KIAA0586: variants seen among roughly 807,000 people sequenced by gnomAD.
KIAA0586 encodes the protein protein TALPID3.
In KIAA0586, 144 loss-of-function variants were observed where a neutral mutation model predicts 169.8. That is an observed-to-expected ratio of 0.85 (90% CI 0.74 to 0.97). The LOEUF (loss-of-function observed/expected upper bound fraction) is 0.97. Ranked by LOEUF, KIAA0586 falls within the 50% of genes least tolerant of loss-of-function variation. The probability of loss-of-function intolerance (pLI) is 0.00; values close to 1 mark genes in which losing one functional copy is unlikely to be tolerated. For synonymous variants in KIAA0586, 625 were observed against 612.4 expected, an observed-to-expected ratio of 1.02 and a Z score of -0.30; for missense variants, 1,854 against 1,823.0, an observed-to-expected ratio of 1.02 and a Z score of -0.31.
chr14:58,487,633 A>G (rs1299399047), intron 22 of KIAA0586, among the ~76,000 whole-genome samples: 5 of 152,094 alleles, frequency 3.3e-5, no homozygotes, highest in Non-Finnish European at 4.4e-5. Context: ...ATACAATTGA[A>G]TAGATGCTTA....
intron 24 of KIAA0586, 135 bp downstream of exon 24, chr14:58,489,009 G>A: frequency 2.2e-6 from 2 of 894,420 alleles, no homozygotes; most frequent in Middle Eastern, 3.5e-4. Context: ...GGGACTCAAT[G>A]CAATTTAGTT....
chr14:58,505,298 A>T lies in KIAA0586; in HGVS notation c.4169-3257A>T, dbSNP rs180964431. ...CAACCGGTATTACTTAAATTTATTC[A>T]TTTTAATGATTACGTAAAACTTCAT... On this transcript the variant is annotated intron_variant, in intron 27 of 30. Coordinates refer to ENST00000652326, the MANE Select transcript of KIAA0586 (RefSeq NM_001329943.3). 1.4e-3 allele frequency among the ~76,000 whole-genome samples: 220 copies of T among 152,286 alleles called. 1 individual carries two copies. The highest frequency in any genetic ancestry group is 4.1e-3 in the African/African-American group (172 of 41,568).
intron 28 of KIAA0586, among the ~76,000 whole-genome samples, chr14:58,510,672 GA>G (rs1451002532): frequency 6.6e-6 from 1 of 152,122 alleles, no homozygotes; most frequent in Non-Finnish European, 1.5e-5. Flanking sequence ...ACATGTACGT[GA>G]ATGTTCATAC....
chr14:58,554,732 GGTCTCT>G (rs2047233608), downstream of KIAA0586, among the ~76,000 whole-genome samples: 1 of 152,062 alleles, frequency 6.6e-6, no homozygotes, highest in Non-Finnish European at 1.5e-5. Context: ...GGCCTCATGT[GGTCTCT>G]GTCACATAGT....
At chr14:58,536,728 C>T (rs868447400) in intron 29 of KIAA0586, among the ~76,000 whole-genome samples, 5 of 152,176 alleles carry the variant, frequency 3.3e-5, no homozygotes, top group Admixed American at 6.5e-5. Flanking sequence ...GCCAGTATCC[C>T]TGCTTTTCCA....
At position 58,442,862 on chromosome 14, in the gene KIAA0586, C is replaced by T. The variant is rs544257184; in HGVS notation, c.567C>T (p.Thr189=). ...VAAATAAAIA[T]AAPLIKVQSD... The stretch of plus-strand genomic sequence containing the variant: ...CAGCAACTGCTGCTGCCATTGCAAC[C>T]GCAGCTCCGTTGATAAAGGTATATT... Residue 189 remains threonine, a synonymous_variant, in exon 5 of 31, where the codon ACC becomes ACT. Coordinates refer to ENST00000652326, the MANE Select transcript of KIAA0586 (RefSeq NM_001329943.3). 1.5e-4 allele frequency: 236 copies of T among 1,607,130 alleles called. 10 individuals are homozygous for T. The South Asian group carries it at 2.2e-3, about 15-fold the overall frequency.
At chr14:58,496,416 A>G (rs1160031654) in intron 26 of KIAA0586, among the ~76,000 whole-genome samples, 1 of 152,230 alleles carries the variant, frequency 6.6e-6, no homozygotes, top group Non-Finnish European at 1.5e-5. Flanking sequence ...GTTACTGTAG[A>G]CTGTCAGAGT....
At chr14:58,542,359 C>G (rs569558758) in intron 30 of KIAA0586, among the ~76,000 whole-genome samples, 2 of 152,132 alleles carry the variant, frequency 1.3e-5, no homozygotes, top group South Asian at 4.2e-4. Flanking sequence ...CGCCAGTAAT[C>G]CAAGCTACTC....
At chr14:58,502,107 G>A (rs917882907) in intron 27 of KIAA0586, among the ~76,000 whole-genome samples, 1 of 152,058 alleles carries the variant, frequency 6.6e-6, no homozygotes, top group Non-Finnish European at 1.5e-5. Flanking sequence ...GAGAAAGTAA[G>A]CAATCAAGAT....
chr14:58,521,110 A>C, intron 29 of KIAA0586: 42 of 445,336 alleles, frequency 9.4e-5, no homozygotes, highest in Non-Finnish European at 1.2e-4. Context: ...TCCACATAGT[A>C]CCCGGGAATA....
chr14:58,541,017 GA>G (rs1187061203), intron 30 of KIAA0586, among the ~76,000 whole-genome samples: 1 of 152,150 alleles, frequency 6.6e-6, no homozygotes, highest in African/African-American at 2.4e-5. Flanking sequence ...GGGTGTACAG[GA>G]AAAATGCTTC....
intron 14 of KIAA0586, among the ~76,000 whole-genome samples, chr14:58,463,051 G>T (rs2040458388): frequency 6.6e-6 from 1 of 152,080 alleles, no homozygotes; most frequent in South Asian, 2.1e-4. Context: ...CAGAACCTAA[G>T]GACTTATGCT....
In KIAA0586 at chr14:58,428,402, A is replaced by G. The variant is rs2037038045; in HGVS notation, c.138A>G (p.Ala46=). The G allele has an allele frequency of 1.2e-6, 2 of 1,613,974 alleles. No individual in the cohort carries two copies. Among genetic ancestry groups the G allele is most frequent in the Admixed American group, 1.7e-5 (1 of 60,014 alleles). The change falls in exon 1 of 31, where the codon GCA becomes GCG. Residue 46 remains alanine, a synonymous_variant. Transcript: ENST00000652326. ...LKDELPCVPP[A]LSANKRLPVG... ...ATGAGTTGCCCTGTGTTCCTCCGGC[A>G]TTGTCTGCAAATAAACGTCTTCCTG...
intron 29 of KIAA0586, among the ~76,000 whole-genome samples, chr14:58,528,297 A>C (rs2045730880): frequency 6.6e-6 from 1 of 152,178 alleles, no homozygotes; most frequent in African/African-American, 2.4e-5. Context: ...CAGAACAATG[A>C]GACAGAAAAT....
At chr14:58,489,147 A>G (rs1350959655) in intron 24 of KIAA0586, among the ~76,000 whole-genome samples, 2 of 152,030 alleles carry the variant, frequency 1.3e-5, no homozygotes, top group Non-Finnish European at 2.9e-5. Flanking sequence ...ATATAGACAC[A>G]TAAATACATA....
chr14:58,526,782 C>T (rs1273976859), intron 29 of KIAA0586, among the ~76,000 whole-genome samples: 2 of 152,092 alleles, frequency 1.3e-5, no homozygotes, highest in Non-Finnish European at 2.9e-5. Flanking sequence ...ATGTTCTAAC[C>T]CTTTCTATTC....
chr14:58,446,540 T>TAC (rs1272864827), intron 6 of KIAA0586, among the ~76,000 whole-genome samples: 9 of 151,950 alleles, frequency 5.9e-5, no homozygotes, highest in Admixed American at 1.3e-4. Context: ...TGTATATATA[T>TAC]ACACACACAT....
chr14:58,484,908 A>ATATTTTTATATATATATATATATATC (rs1465017578), intron 21 of KIAA0586, among the ~76,000 whole-genome samples: 1 of 26,374 alleles, frequency 3.8e-5, no homozygotes, highest in African/African-American at 1.3e-4. Flanking sequence ...ATATATATAT[A>ATATTTTTATATATATATATATATATC]TATATATATA....
chr14:58,531,014 A>G (rs757823288), intron 29 of KIAA0586, among the ~76,000 whole-genome samples: 13 of 152,210 alleles, frequency 8.5e-5, no homozygotes, highest in Non-Finnish European at 1.5e-4. Context: ...AACCCCATCA[A>G]AAAGCGGGCA....
Sources: gnomAD v4.1 joint callset for allele counts (sites outside exome capture counted in the v4.1 genomes callset) on GRCh38, gnomAD v4.1.1 for gene constraint, MANE v1.5 for transcripts, NCBI Gene and HGNC (gene_info 2026-07-23, HGNC 2026-07-21) for gene names.